Variants in SUGCT observed in about 807,000 individuals in gnomAD.
SUGCT encodes the protein succinyl-CoA:glutarate CoA-transferase.
SUGCT carries 41 observed loss-of-function variants against 55.0 expected under a neutral mutation model. The ratio of observed to expected loss-of-function variants is 0.74; its 90% confidence interval spans 0.58 to 0.97. The LOEUF (loss-of-function observed/expected upper bound fraction) is 0.97. Ranked by LOEUF, SUGCT falls within the 50% of genes least tolerant of loss-of-function variation. The pLI is 0.00. For synonymous variants in SUGCT, 187 were observed against 200.4 expected, an observed-to-expected ratio of 0.93 and a Z score of 0.56; for missense variants, 568 against 547.8, an observed-to-expected ratio of 1.04 and a Z score of -0.37.
At chr7:40,464,591 C>T (rs1031734183) in intron 11 of SUGCT, among the ~76,000 whole-genome samples, 3 of 152,186 alleles carry the variant, frequency 2.0e-5, no homozygotes, top group Non-Finnish European at 4.4e-5. Flanking sequence ...TTTAAATTTA[C>T]CATGTGGTAA....
intron 7 of SUGCT, among the ~76,000 whole-genome samples, chr7:40,264,408 T>G (rs1791423407): frequency 6.6e-6 from 1 of 152,228 alleles, no homozygotes; most frequent in African/African-American, 2.4e-5. Flanking sequence ...TGAACGTCTG[T>G]AAGCATATTT....
In SUGCT at chr7:40,135,012, A is replaced by T. The variant is rs760729591; in HGVS notation, c.-9A>T. ...TGCACCGGGACCGATGCCATCTGAG[A>T]CGCACGCGATGCTGGCGACGCTGGC... On this transcript the variant is annotated 5_prime_UTR_variant, in exon 1 of 14. Coordinates refer to ENST00000335693, the MANE Select transcript of SUGCT (RefSeq NM_001193313.2). The T allele has an allele frequency of 3.2e-6, 5 of 1,557,788 alleles. No homozygotes were observed. In the Admixed American group the frequency reaches 9.6e-5, roughly 30 times the overall value.
downstream of SUGCT, among the ~76,000 whole-genome samples, chr7:40,864,652 A>G (rs1354225850): frequency 1.3e-5 from 2 of 151,954 alleles, no homozygotes; most frequent in African/African-American, 4.8e-5. Context: ...TCCACACACT[A>G]GGGAAAACAA....
chr7:40,621,402 T>C (rs1449138976), intron 12 of SUGCT, among the ~76,000 whole-genome samples: 1 of 152,200 alleles, frequency 6.6e-6, no homozygotes, highest in Non-Finnish European at 1.5e-5. Flanking sequence ...GATGCTGAGC[T>C]GCTTTTTATT....
the SUGCT span, among the ~76,000 whole-genome samples, chr7:40,898,348 G>C: frequency 6.6e-6 from 1 of 152,218 alleles, no homozygotes; most frequent in Admixed American, 6.5e-5. Flanking sequence ...GAAGGTCTGC[G>C]GCTTCGCTCC....
At chr7:40,644,373 T>G (rs1397889956) in intron 12 of SUGCT, among the ~76,000 whole-genome samples, 1 of 152,200 alleles carries the variant, frequency 6.6e-6, no homozygotes, top group East Asian at 1.9e-4. Context: ...CAGCTACCCC[T>G]CAATCACTGC....
At chr7:40,657,626 C>T (rs959745609) in intron 12 of SUGCT, among the ~76,000 whole-genome samples, 3 of 152,082 alleles carry the variant, frequency 2.0e-5, no homozygotes, top group African/African-American at 7.2e-5. Flanking sequence ...CCTCTGCCTC[C>T]CGGGTTCAAG....
chr7:40,294,825 G>A (rs1030832149), intron 8 of SUGCT, among the ~76,000 whole-genome samples: 6 of 152,188 alleles, frequency 3.9e-5, no homozygotes, highest in Admixed American at 6.5e-5. Context: ...GGGATTACAG[G>A]TGTGAGCCAC....
At chr7:40,365,828 G>A (rs1348736401) in intron 9 of SUGCT, among the ~76,000 whole-genome samples, 2 of 152,100 alleles carry the variant, frequency 1.3e-5, no homozygotes, top group Non-Finnish European at 1.5e-5. Flanking sequence ...CCTGAAAATG[G>A]CCATACTGCC....
chr7:40,612,485 A>G (rs1798813556), intron 12 of SUGCT, among the ~76,000 whole-genome samples: 2 of 152,192 alleles, frequency 1.3e-5, no homozygotes, highest in Non-Finnish European at 2.9e-5. Flanking sequence ...GTCTTTGTTT[A>G]CTTTGGCAAA....
intron 3 of SUGCT, among the ~76,000 whole-genome samples, chr7:40,186,090 T>TCTTCCTTCCTTCCTTCCCTC (rs1785487899): frequency 1.4e-5 from 2 of 146,872 alleles, no homozygotes; most frequent in African/African-American, 5.3e-5. Context: ...TCTCTCTTTT[T>TCTTCCTTCCTTCCTTCCCTC]CTTCCTTCCT....
intron 13 of SUGCT, among the ~76,000 whole-genome samples, chr7:40,755,162 A>G (rs1018276516): frequency 5.3e-5 from 8 of 152,144 alleles, no homozygotes; most frequent in African/African-American, 1.9e-4. Context: ...AAAAAAATTC[A>G]AAGATATCTA....
At chr7:40,758,811 A>T (rs534182404) in intron 13 of SUGCT, among the ~76,000 whole-genome samples, 7 of 152,206 alleles carry the variant, frequency 4.6e-5, no homozygotes, top group Non-Finnish European at 8.8e-5. Context: ...TTTGCCCTTT[A>T]TCTGAACATT....
the SUGCT span, among the ~76,000 whole-genome samples, chr7:40,917,133 T>A: frequency 6.6e-6 from 1 of 152,236 alleles, no homozygotes. Context: ...TTTCTTTTCC[T>A]CTGGGTTGAG....
At chr7:40,722,022 A>G (rs1302671122) in intron 12 of SUGCT, among the ~76,000 whole-genome samples, 6 of 152,150 alleles carry the variant, frequency 3.9e-5, no homozygotes. Context: ...AAACCTATCC[A>G]TTTAAATATG....
chr7:40,272,793 G>A (rs1040685275), intron 7 of SUGCT, among the ~76,000 whole-genome samples: 1 of 151,482 alleles, frequency 6.6e-6, no homozygotes, highest in Non-Finnish European at 1.5e-5. Context: ...CTGAGTAGCC[G>A]GGATTACATA....
chr7:40,938,549 A>G, the SUGCT span, among the ~76,000 whole-genome samples: 3 of 152,092 alleles, frequency 2.0e-5, no homozygotes, highest in Admixed American at 2.0e-4. Flanking sequence ...GTTTTTGGTT[A>G]CATGAATGAA....
At chr7:40,484,316 G>A (rs1384745845) in intron 11 of SUGCT, among the ~76,000 whole-genome samples, 1 of 152,070 alleles carries the variant, frequency 6.6e-6, no homozygotes, top group Admixed American at 6.6e-5. Flanking sequence ...CAGCATTCTT[G>A]AAAGAATCAG....
At chr7:40,678,471 A>G (rs1434005705) in intron 12 of SUGCT, among the ~76,000 whole-genome samples, 1 of 152,164 alleles carries the variant, frequency 6.6e-6, no homozygotes, top group African/African-American at 2.4e-5. Context: ...AATCCCTCTG[A>G]ACTACCCAGC....
Sources: allele counts gnomAD v4.1 joint callset (sites outside exome capture counted in the v4.1 genomes callset), GRCh38; gene constraint gnomAD v4.1.1; transcripts MANE v1.5; gene names NCBI Gene and HGNC (gene_info 2026-07-23, HGNC 2026-07-21).